Variants in ACER3 observed in about 807,000 individuals in gnomAD.
ACER3 encodes the protein alkaline ceramidase 3.
Under a neutral mutation model 48.9 loss-of-function variants are expected in ACER3, and 16 were observed. That is an observed-to-expected ratio of 0.33 (90% confidence interval 0.22 to 0.50). The LOEUF is 0.50. ACER3 is among the 20% of genes least tolerant of loss of function. The probability of loss-of-function intolerance (pLI) is 0.98; values close to 1 mark genes in which losing one functional copy is unlikely to be tolerated. For synonymous variants in ACER3, 109 were observed against 107.8 expected, an observed-to-expected ratio of 1.01 and a Z score of -0.07; for missense variants, 227 against 326.0, an observed-to-expected ratio of 0.70 and a Z score of 2.34.
chr11:76,921,606 A>G (rs534309847), intron 1 of ACER3, among the ~76,000 whole-genome samples: 29 of 152,194 alleles, frequency 1.9e-4, no homozygotes, highest in African/African-American at 7.0e-4. Flanking sequence ...AGTAGTGTAA[A>G]TACTCCAGGT....
intron 3 of ACER3, among the ~76,000 whole-genome samples, chr11:76,964,589 C>T (rs935285251): frequency 8.6e-5 from 13 of 151,244 alleles, no homozygotes; most frequent in Admixed American, 1.3e-4. Flanking sequence ...ACACCTCACA[C>T]GGCTGGGTAC....
At chr11:76,868,073 A>G in intron 1 of ACER3, 1 of 1,281,982 alleles carries the variant, frequency 7.8e-7, no homozygotes, top group Admixed American at 2.3e-5. Context: ...AAGGCATTTG[A>G]CTGCTTGTAG....
At chr11:77,017,870 T>C (rs782559163) in intron 9 of ACER3, among the ~76,000 whole-genome samples, 2 of 152,168 alleles carry the variant, frequency 1.3e-5, no homozygotes, top group Non-Finnish European at 2.9e-5. Flanking sequence ...GTCTTATTTT[T>C]GTAATTCTGA....
At position 77,014,136 on chromosome 11, in the gene ACER3, C is replaced by A. The variant is rs1324254374; in HGVS notation, c.498-880C>A. Among the ~76,000 whole-genome samples, 3 of 152,128 alleles carry A rather than the reference C, an allele frequency of 2.0e-5. No individual in the cohort carries two copies. In the East Asian group the frequency reaches 5.8e-4, roughly 29 times the overall value. ...ATAGTTTAAATGTAAGTCAGTTATA[C>A]CTCATTGAAGCTATAAAACATAGGT... is the stretch of plus-strand genomic sequence containing the variant. On this transcript the variant is annotated intron_variant, in intron 7 of 10. Coordinates refer to ENST00000532485, the MANE Select transcript of ACER3 (RefSeq NM_018367.7).
At chr11:76,956,453 A>T (rs1425838081) in intron 2 of ACER3, among the ~76,000 whole-genome samples, 1 of 152,136 alleles carries the variant, frequency 6.6e-6, no homozygotes, top group Non-Finnish European at 1.5e-5. Context: ...TCATCAGAAT[A>T]CTTTTTTATG....
intron 5 of ACER3, among the ~76,000 whole-genome samples, chr11:76,988,055 C>G (rs1791568083): frequency 6.6e-6 from 1 of 152,178 alleles, no homozygotes; most frequent in Admixed American, 6.5e-5. Context: ...TGTAAGAAAG[C>G]TAGGAGAGCC....
chr11:76,938,588 A>G (rs186288993), intron 2 of ACER3, among the ~76,000 whole-genome samples: 42 of 152,276 alleles, frequency 2.8e-4, no homozygotes, highest in Non-Finnish European at 3.8e-4. Flanking sequence ...CAATGTGTTC[A>G]GATTACAGGT....
At chr11:77,012,146 G>A (rs1021533324) in intron 7 of ACER3, among the ~76,000 whole-genome samples, 4 of 152,068 alleles carry the variant, frequency 2.6e-5, no homozygotes, top group Non-Finnish European at 4.4e-5. Flanking sequence ...AGAGCCAGGC[G>A]CGGTGGCTCA....
intron 1 of ACER3, among the ~76,000 whole-genome samples, chr11:76,910,442 G>A (rs1027548371): frequency 2.0e-5 from 3 of 151,908 alleles, no homozygotes; most frequent in South Asian, 2.1e-4. Context: ...CAGAATAAAG[G>A]TGTTTTATCT....
At chr11:76,869,879 T>C (rs1309288499) in intron 1 of ACER3, among the ~76,000 whole-genome samples, 1 of 152,226 alleles carries the variant, frequency 6.6e-6, no homozygotes, top group Non-Finnish European at 1.5e-5. Context: ...TTCTGTTTTT[T>C]GAGAAAGGGT....
chr11:76,864,199 A>T (rs1035948351), intron 1 of ACER3, among the ~76,000 whole-genome samples: 2 of 152,198 alleles, frequency 1.3e-5, no homozygotes, highest in Non-Finnish European at 2.9e-5. Flanking sequence ...TTGTTTGAGC[A>T]TATTGTAAAG....
At chr11:76,936,705 T>TTTTC (rs941180017) in intron 2 of ACER3, among the ~76,000 whole-genome samples, 1 of 145,708 alleles carries the variant, frequency 6.9e-6, no homozygotes, top group African/African-American at 2.4e-5. Context: ...ACAATTTTTC[T>TTTTC]TTTCTTTCTT....
intron 1 of ACER3, among the ~76,000 whole-genome samples, chr11:76,917,903 C>T (rs567441094): frequency 2.6e-5 from 4 of 151,442 alleles, no homozygotes; most frequent in Non-Finnish European, 4.4e-5. Flanking sequence ...AATAGAATGA[C>T]TCTTGTAGTA....
intron 3 of ACER3, 115 bp from the exon 4 acceptor site, chr11:76,976,174 T>C: frequency 2.5e-6 from 2 of 795,678 alleles, no homozygotes; most frequent in Middle Eastern, 2.4e-4. Context: ...GGTGTGAGCC[T>C]CTGTGCCTGG....
chr11:77,020,853 G>A lies in ACER3; in HGVS notation c.*526G>A, dbSNP rs1235394673. 1 of 154,332 alleles carries A rather than the reference G, an allele frequency of 6.5e-6. No individual in the cohort carries two copies. The highest frequency in any genetic ancestry group is 1.4e-5 in the Non-Finnish European group (1 of 69,462). 9.6% of individuals were successfully genotyped at this position (154,332 alleles called of 1,614,324 possible). A position where few individuals can be genotyped will look rare whatever the true frequency, so the allele number is the denominator to read the frequency against. On this transcript the variant is annotated 3_prime_UTR_variant, in exon 11 of 11. Coordinates refer to ENST00000532485, the MANE Select transcript of ACER3 (RefSeq NM_018367.7). ...AAAGGTAAAAAAAGAGAGAGAAAGA[G>A]AGAGAGCTAGCTGTGGGATTCTGTG...
chr11:76,971,492 A>G lies in ACER3; in HGVS notation c.268-4797A>G, dbSNP rs534622297. 2.6e-5 allele frequency among the ~76,000 whole-genome samples: 4 copies of G among 152,106 alleles called. No homozygotes were observed. The South Asian group carries it at 8.3e-4, about 32-fold the overall frequency. On this transcript the variant is annotated intron_variant, in intron 3 of 10. Coordinates refer to ENST00000532485, the MANE Select transcript of ACER3 (RefSeq NM_018367.7). ...GAGGCAGAGGTTGCAGTGAGCCAAG[A>G]TCGCGCCACTGCACTCCTCCTGGTG...
intron 4 of ACER3, among the ~76,000 whole-genome samples, chr11:76,983,673 A>G (rs1464895712): frequency 3.3e-5 from 5 of 152,184 alleles, no homozygotes; most frequent in African/African-American, 7.2e-5. Context: ...ATTTAGAAAT[A>G]TAAGTGATTT....
chr11:76,869,653 T>C (rs1212431749), intron 1 of ACER3, among the ~76,000 whole-genome samples: 1 of 131,292 alleles, frequency 7.6e-6, no homozygotes. Flanking sequence ...TTTCTCCTCC[T>C]TCTAGTCACT....
chr11:76,953,462 G>A lies in ACER3; in HGVS notation c.215-5517G>A, dbSNP rs576695704. On this transcript the variant is annotated intron_variant, in intron 2 of 10. Coordinates refer to ENST00000532485, the MANE Select transcript of ACER3 (RefSeq NM_018367.7). ...AAAATACAAAAATTAGCTGGGCATG[G>A]TGGTGGGTGCCTGTAATCCCAGCTA... Among the ~76,000 whole-genome samples, 143 of 152,212 alleles carry A rather than the reference G, an allele frequency of 9.4e-4. 1 individual carries two copies. The highest frequency in any genetic ancestry group is 3.4e-3 in the Middle Eastern group (1 of 294).
Sources: gnomAD v4.1 joint callset for allele counts (sites outside exome capture counted in the v4.1 genomes callset) on GRCh38, gnomAD v4.1.1 for gene constraint, MANE v1.5 for transcripts, NCBI Gene and HGNC (gene_info 2026-07-23, HGNC 2026-07-21) for gene names.